The following SKAP2 variants were observed in gnomAD, a reference collection of about 807,000 sequenced individuals.
SKAP2 encodes src kinase associated phosphoprotein 2, also known as src kinase-associated phosphoprotein 2.
SKAP2 carries 28 observed loss-of-function variants against 54.9 expected under a neutral mutation model. The ratio of observed to expected loss-of-function variants is 0.51; its 90% CI spans 0.38 to 0.70. The LOEUF (loss-of-function observed/expected upper bound fraction) is 0.70, where lower values mean the gene tolerates loss of function less well. Among genes scored for constraint, SKAP2 ranks in the 30% least tolerant of loss-of-function variants. The pLI is 0.00. For missense variants in SKAP2, 356 were observed against 424.1 expected, an observed-to-expected ratio of 0.84 and a Z score of 1.41; for synonymous variants, 137 against 134.3, an observed-to-expected ratio of 1.02 and a Z score of -0.14.
intron 9 of SKAP2, among the ~76,000 whole-genome samples, chr7:26,693,477 C>T (rs578134859): frequency 8.5e-5 from 13 of 152,086 alleles, no homozygotes; most frequent in African/African-American, 3.1e-4. Flanking sequence ...GTATTTGTTA[C>T]TATGAATTTT....
intron 4 of SKAP2, among the ~76,000 whole-genome samples, chr7:26,832,644 TC>T (rs1784618991): frequency 6.6e-6 from 1 of 151,622 alleles, no homozygotes; most frequent in Non-Finnish European, 1.5e-5. Context: ...CAAGACCCCA[TC>T]TCTAAAAAAG....
intron 9 of SKAP2, among the ~76,000 whole-genome samples, chr7:26,699,197 A>G (rs890091025): frequency 1.3e-5 from 2 of 152,218 alleles, no homozygotes; most frequent in Non-Finnish European, 2.9e-5. Flanking sequence ...TCTGGGTACA[A>G]TATCAAAAAA....
intron 1 of SKAP2, among the ~76,000 whole-genome samples, chr7:26,859,826 G>C (rs1011874280): frequency 6.6e-6 from 1 of 152,156 alleles, no homozygotes; most frequent in Non-Finnish European, 1.5e-5. Flanking sequence ...TGTTCAGAAT[G>C]TGATTGAAAA....
rs115348850 is a variant in SKAP2, at chr7:26,774,354, T to C, written c.308-34390A>G. On this transcript the variant is annotated intron_variant, in intron 4 of 12. Coordinates refer to ENST00000345317, the MANE Select transcript of SKAP2 (RefSeq NM_003930.5). ...AAAATAAAAGCATATCAAAGGCCAC[T>C]TTGAAGACAGAAAGTCTTCTCACAC... 1.5e-3 allele frequency among the ~76,000 whole-genome samples: 234 copies of C among 152,042 alleles called. 2 individuals are homozygous for C. Among genetic ancestry groups the C allele is most frequent in the African/African-American group, 5.6e-3 (231 of 41,476 alleles).
chr7:26,673,488 C>T (rs2128084218), intron 11 of SKAP2, among the ~76,000 whole-genome samples: 1 of 152,134 alleles, frequency 6.6e-6, no homozygotes, highest in East Asian at 1.9e-4. Flanking sequence ...CAGCTTCTGA[C>T]AATGTTAGGT....
intron 4 of SKAP2, among the ~76,000 whole-genome samples, chr7:26,795,190 T>A (rs138446506): frequency 1.2e-3 from 176 of 152,354 alleles, no homozygotes; most frequent in Admixed American, 3.4e-3. Flanking sequence ...AAATTCCTCA[T>A]TCTTTGAAAT....
chr7:26,770,960 T>G (rs1783177056), intron 4 of SKAP2, among the ~76,000 whole-genome samples: 1 of 151,982 alleles, frequency 6.6e-6, no homozygotes, highest in African/African-American at 2.4e-5. Context: ...AAAAAAAAAC[T>G]AAAAGTGGAG....
At chr7:26,710,794 A>G (rs1242581071) in intron 9 of SKAP2, among the ~76,000 whole-genome samples, 1 of 152,044 alleles carries the variant, frequency 6.6e-6, no homozygotes, top group African/African-American at 2.4e-5. Flanking sequence ...TCTTGAAAAC[A>G]TTTTCCCCAC....
rs576058846 is a variant in SKAP2, at chr7:26,828,534, G to A, written c.307+15496C>T. ...CTACTAAAAATACAAAAAATTAGCC[G>A]GGCGTGGTGGTGGGCGCCTGTAGTC... On this transcript the variant is annotated intron_variant, in intron 4 of 12. Transcript: ENST00000345317. Among the ~76,000 whole-genome samples, 626 of 151,242 alleles carry A rather than the reference G, an allele frequency of 4.1e-3. 9 individuals are homozygous for A. The highest frequency in any genetic ancestry group is 0.014 in the African/African-American group (583 of 41,182).
rs1039829685 is a variant in SKAP2, at chr7:26,718,369, T to A, written c.796+7059A>T. 3.3e-5 allele frequency among the ~76,000 whole-genome samples: 5 copies of A among 152,168 alleles called. No individual in the cohort carries two copies. The East Asian group carries it at 9.6e-4, about 29-fold the overall frequency. On this transcript the variant is annotated intron_variant, in intron 9 of 12. Transcript: ENST00000345317. ...GAAAGTAAATAAAAAGGATCTCTTTTTTGTTTTAAAACTTTTATATGTATA... is the reference window on the plus strand; with the variant it reads ...GAAAGTAAATAAAAAGGATCTCTTTATTGTTTTAAAACTTTTATATGTATA...
At chr7:26,697,645 AT>A (rs144117421) in intron 9 of SKAP2, among the ~76,000 whole-genome samples, 37 of 148,966 alleles carry the variant, frequency 2.5e-4, no homozygotes, top group African/African-American at 6.4e-4. Flanking sequence ...ATTACAGCTC[AT>A]TTTTTTTTTC....
chr7:26,767,076 C>T (rs771128621), intron 4 of SKAP2, among the ~76,000 whole-genome samples: 6 of 152,178 alleles, frequency 3.9e-5, no homozygotes, highest in East Asian at 3.9e-4. Context: ...TGGTACAATT[C>T]GCCTGTGAAT....
At chr7:26,740,075 A>C (rs966852676) in intron 4 of SKAP2, 111 bp from the exon 5 acceptor site, 14 of 639,516 alleles carry the variant, frequency 2.2e-5, no homozygotes, top group Non-Finnish European at 2.9e-5. Flanking sequence ...AAATTGTTTA[A>C]ATCTAAGTCT....
chr7:26,728,200 C>G (rs1432185664), intron 6 of SKAP2, among the ~76,000 whole-genome samples: 3 of 152,058 alleles, frequency 2.0e-5, no homozygotes, highest in African/African-American at 7.2e-5. Flanking sequence ...ACAATAAACT[C>G]TATGTTTTTC....
chr7:26,847,047 T>C (rs1784937949), intron 3 of SKAP2, among the ~76,000 whole-genome samples: 2 of 152,134 alleles, frequency 1.3e-5, no homozygotes, highest in Non-Finnish European at 2.9e-5. Flanking sequence ...AATGAAATTG[T>C]CTTCAACTTA....
intron 11 of SKAP2, among the ~76,000 whole-genome samples, chr7:26,682,509 T>A (rs1236789866): frequency 6.6e-6 from 1 of 152,226 alleles, no homozygotes; most frequent in Non-Finnish European, 1.5e-5. Flanking sequence ...CTGAACCTTA[T>A]TCAGCCAAAG....
chr7:26,813,962 T>C (rs929101114), intron 4 of SKAP2, among the ~76,000 whole-genome samples: 8 of 152,148 alleles, frequency 5.3e-5, no homozygotes, highest in Admixed American at 1.3e-4. Flanking sequence ...ATTCAGGGCG[T>C]TTCTTGATAT....
chr7:26,680,695 G>T (rs1786471300), intron 11 of SKAP2, among the ~76,000 whole-genome samples: 1 of 152,196 alleles, frequency 6.6e-6, no homozygotes, highest in Admixed American at 6.5e-5. Context: ...GTGAATAGAA[G>T]TATAAAGCAA....
At chr7:26,776,113 C>T (rs756919205) in intron 4 of SKAP2, among the ~76,000 whole-genome samples, 21 of 152,080 alleles carry the variant, frequency 1.4e-4, no homozygotes, top group South Asian at 8.3e-4. Context: ...TCCCCTAAAA[C>T]GCTCTTCTCC....
Sources: allele counts gnomAD v4.1 joint callset (sites outside exome capture counted in the v4.1 genomes callset), GRCh38; gene constraint gnomAD v4.1.1; transcripts MANE v1.5; gene names NCBI Gene and HGNC (gene_info 2026-07-23, HGNC 2026-07-21).